Variants in POLG observed in about 807,000 individuals in gnomAD.
The protein encoded by POLG is DNA polymerase subunit gamma-1.
POLG carries 110 observed loss-of-function variants against 155.4 expected under a neutral mutation model. The ratio of observed to expected loss-of-function variants is 0.71; its 90% CI spans 0.61 to 0.83. The LOEUF (loss-of-function observed/expected upper bound fraction) is 0.83. POLG is among the 40% of genes least tolerant of loss of function. The pLI is 0.00. For synonymous variants in POLG, 701 were observed against 631.5 expected (o/e 1.11, Z -1.65); for missense variants, 1,685 against 1,627.5 (o/e 1.04, Z -0.61).
chr15:89,325,131 A>AGAGT (rs879593305), intron 10 of POLG, among the ~76,000 whole-genome samples: 7 of 44,680 alleles, frequency 1.6e-4, no homozygotes, highest in African/African-American at 8.9e-4. Flanking sequence ...AGTGAGTGAG[A>AGAGT]GAGTGAGTGA....
rs56411159 is a variant in POLG, at chr15:89,323,804, G to A, written c.2157+11C>T. ...ACCCACCTAGAGAACCCAAGCCGGC[G>A]CACTGCTCACCAGAGCTAGGGGTTG... On this transcript the variant is annotated intron_variant, in intron 12 of 22. Transcript: ENST00000268124. 379 of 1,609,376 alleles carry A rather than the reference G, an allele frequency of 2.4e-4. 2 individuals carry two copies. In the East Asian group the frequency reaches 7.4e-3, roughly 31 times the overall value.
chr15:89,333,775 C>A lies in POLG; in HGVS notation c.-21G>T, dbSNP rs750010376. The A allele has an allele frequency of 2.0e-5, 31 of 1,534,834 alleles. No individual in the cohort carries two copies. The highest frequency in any genetic ancestry group is 1.8e-4 in the South Asian group (15 of 84,074). On this transcript the variant is annotated 5_prime_UTR_variant, in exon 2 of 23. Transcript: ENST00000268124. ...CTCATGGTTGGTGCAGGGACCCCCA[C>A]GCTGGGAGTCAGAACACCTGGCTTT...
chr15:89,328,315 T>C, intron 6 of POLG, 141 bp downstream of exon 6: 1 of 723,016 alleles, frequency 1.4e-6, no homozygotes. Context: ...TGGACACCAC[T>C]GAACAGAAGG....
intron 21 of POLG, 114 bp from the exon 22 acceptor site, chr15:89,317,650 C>CCAT (rs2055318331): frequency 3.9e-6 from 4 of 1,013,740 alleles, no homozygotes; most frequent in South Asian, 2.6e-5. Flanking sequence ...GACCAACACC[C>CCAT]CATCTGTTCA....
intron 2 of POLG, among the ~76,000 whole-genome samples, chr15:89,332,591 G>C (rs539155464): frequency 7.2e-6 from 1 of 138,556 alleles, no homozygotes; most frequent in Admixed American, 7.6e-5. Flanking sequence ...GTCTGGAAAC[G>C]TTGCCGGCGG....
At chr15:89,325,081 TGAGA>T (rs376001140) in intron 10 of POLG, among the ~76,000 whole-genome samples, 903 of 43,126 alleles carry the variant, frequency 0.021, 177 homozygotes, top group African/African-American at 0.058. Flanking sequence ...AGTGAGTGAG[TGAGA>T]GAGTGAGTGA....
intron 10 of POLG, 151 bp downstream of exon 10, chr15:89,325,299 G>GGGGTGTGTGT (rs140688938): frequency 9.5e-6 from 5 of 527,318 alleles, no homozygotes; most frequent in African/African-American, 9.1e-5. Flanking sequence ...AGAGAGAGAG[G>GGGGTGTGTGT]GTGTGTGTGT....
rs369395629 is a variant in POLG at position 89,321,805 on chromosome 15, T to G, written c.2529A>C (p.Gln843His). The G allele has an allele frequency of 6.2e-7, 1 of 1,614,018 alleles. No individual in the cohort carries two copies. Among genetic ancestry groups the G allele is most frequent in the Non-Finnish European group, 8.5e-7 (1 of 1,180,020 alleles). Residue 843 changes from glutamine (Q) to histidine (H), a missense_variant, in exon 16 of 23, where the codon CAA (glutamine) becomes CAC (histidine). Physicochemically the swap from Gln to His is conservative, Grantham distance 24. Coordinates refer to ENST00000268124, the MANE Select transcript of POLG (RefSeq NM_002693.3). ...EEGLYGAILP[Q>H]VVTAGTITRR... is the part of the protein sequence containing the mutation. ...GAGTGATGGTGCCGGCAGTCACCAC[T>G]TGGGGCAGGATGGCCCCATAGAGGC...
chr15:89,333,043 T>G, intron 2 of POLG, 53 bp downstream of exon 2: 1 of 1,498,344 alleles, frequency 6.7e-7, no homozygotes, highest in Non-Finnish European at 8.9e-7. Context: ...TGAAACAAAC[T>G]ATTAAGCTGG....
rs1195686850 is a variant in POLG, at chr15:89,317,412, G to GGTTGGAAGGGGT, written c.3595_3606dup (p.Thr1199_Asn1202dup). ...CCGTATCTCCTTTCCATCCCAGTTGGGTTGGAAGGGGTTTTACAATCCATG... is the reference window on the plus strand; with the variant it reads ...CCGTATCTCCTTTCCATCCCAGTTGGGTTGGAAGGGGTGTTGGAAGGGGTTTTACAATCCATG... On this transcript the variant is annotated inframe_insertion, in exon 22 of 23. Coordinates refer to ENST00000268124, the MANE Select transcript of POLG (RefSeq NM_002693.3). 1 of 1,614,066 alleles carries GGTTGGAAGGGGT rather than the reference G, an allele frequency of 6.2e-7. No individual in the cohort carries two copies. Among genetic ancestry groups the GGTTGGAAGGGGT allele is most frequent in the East Asian group, 2.2e-5 (1 of 44,878 alleles).
chr15:89,318,594 C>T lies in POLG; in HGVS notation c.3429G>A (p.Glu1143=), dbSNP rs1433313822. The change falls in exon 21 of 23, where the codon GAG becomes GAA. Residue 1143 remains glutamate, a synonymous_variant. Coordinates refer to ENST00000268124, the MANE Select transcript of POLG (RefSeq NM_002693.3). ...CCAGGGCAGCGCGGTAGCGGTCCTC[C>T]TCCCGCACCAGGTAGCGAACCTCGT... ...IHDEVRYLVR[E]EDRYRAALAL... The T allele has an allele frequency of 6.2e-7, 1 of 1,614,064 alleles. No individual in the cohort carries two copies. The highest frequency in any genetic ancestry group is 1.7e-5 in the Admixed American group (1 of 60,016).
chr15:89,321,364 G>T, intron 16 of POLG, 104 bp from the exon 17 acceptor site: 1 of 1,309,822 alleles, frequency 7.6e-7, no homozygotes, highest in Non-Finnish European at 1.1e-6. Context: ...GATGGCTTTA[G>T]AGAATGCCAG....
chr15:89,316,711 TGAAGCTCCACG>T lies in POLG; in HGVS notation c.*29_*39del. ...AGTTTGGGAGCCTGCACCACCCCGA[TGAAGCTCCACG>T]GGAGCAAATACAGAGCCTCCAGGCA... On this transcript the variant is annotated 3_prime_UTR_variant, in exon 23 of 23. Coordinates refer to ENST00000268124, the MANE Select transcript of POLG (RefSeq NM_002693.3). 3 of 1,529,162 alleles carry T rather than the reference TGAAGCTCCACG, an allele frequency of 2.0e-6. No homozygotes were observed. The highest frequency in any genetic ancestry group is 2.7e-6 in the Non-Finnish European group (3 of 1,102,698). The allele number at this position is 1,529,162 out of a possible 1,614,324, so 94.7% of individuals were successfully genotyped here. A position where few individuals can be genotyped will look rare whatever the true frequency, so the allele number is the denominator to read the frequency against.
chr15:89,327,444 T>G, intron 6 of POLG, 95 bp from the exon 7 acceptor site: 1 of 1,129,122 alleles, frequency 8.9e-7, no homozygotes, highest in Non-Finnish European at 1.3e-6. Context: ...ACCCAGCCAC[T>G]GACATGGCAC....
rs1415709764 is a variant in POLG, at chr15:89,321,630, AG to A, written c.2598+105del. 2.0e-5 allele frequency: 17 copies of A among 865,330 alleles called. No individual in the cohort carries two copies. In the East Asian group the frequency reaches 4.1e-4, roughly 21 times the overall value. The allele number at this position is 865,330 out of a possible 1,614,324, so 53.6% of individuals were successfully genotyped here. A position where few individuals can be genotyped will look rare whatever the true frequency, so the allele number is the denominator to read the frequency against. On this transcript the variant is annotated intron_variant, in intron 16 of 22. Coordinates refer to ENST00000268124, the MANE Select transcript of POLG (RefSeq NM_002693.3). ...TAGAGTCCTGCCTGACCCAGATCAC[AG>A]GGTCCTTTTCATGATCCTCACTAAA...
intron 16 of POLG, 63 bp downstream of exon 16, chr15:89,321,673 G>C (rs2055398045): frequency 8.2e-7 from 1 of 1,219,278 alleles, no homozygotes; most frequent in East Asian, 2.3e-5. Context: ...AAGGCCCTCA[G>C]AGCCCAGTTT....
At chr15:89,325,069 T>TGAGAGAGTGAGTGAGTGAGA (rs1375830782) in intron 10 of POLG, among the ~76,000 whole-genome samples, 1 of 86,732 alleles carries the variant, frequency 1.2e-5, no homozygotes, top group African/African-American at 6.7e-5. Flanking sequence ...AGTGAGTGAG[T>TGAGAGAGTGAGTGAGTGAGA]GAGTGAGTGA....
rs2055457943 is a variant in POLG at position 89,325,057 on chromosome 15, A to AGAGTGAGTGAGTGAGTGAGAGAGT, written c.1949+392_1949+393insACTCTCTCACTCACTCACTCACTC. On this transcript the variant is annotated intron_variant, in intron 10 of 22. Coordinates refer to ENST00000268124, the MANE Select transcript of POLG (RefSeq NM_002693.3). ...CCCAGAGAGTGAGTGAGTGAGTGAG[A>AGAGTGAGTGAGTGAGTGAGAGAGT]GAGTGAGTGAGTGAGTGAGTGAGTG... Among the ~76,000 whole-genome samples the AGAGTGAGTGAGTGAGTGAGAGAGT allele has an allele frequency of 5.7e-5, 5 of 87,640 alleles. 1 individual carries two copies. Among genetic ancestry groups the AGAGTGAGTGAGTGAGTGAGAGAGT allele is most frequent in the African/African-American group, 3.2e-4 (4 of 12,638 alleles). 57.5% of individuals were successfully genotyped at this position (87,640 alleles called of 152,430 possible). A position where few individuals can be genotyped will look rare whatever the true frequency, so the allele number is the denominator to read the frequency against.
Position 89,318,881 on chromosome 15 carries a change from C to T in POLG, c.3273+50G>A, listed in dbSNP as rs751936166. 5.4e-5 allele frequency: 87 copies of T among 1,596,742 alleles called. No individual in the cohort carries two copies. The East Asian group carries it at 1.9e-3, about 36-fold the overall frequency. On this transcript the variant is annotated intron_variant, in intron 20 of 22. Transcript: ENST00000268124. ...TGGTAAGGTCCACAGGGAGCTCTGC[C>T]CTGCCCTCCCTGGGGCCCCTCTGCC...
Sources: gnomAD v4.1 joint callset for allele counts (sites outside exome capture counted in the v4.1 genomes callset) on GRCh38, gnomAD v4.1.1 for gene constraint, MANE v1.5 for transcripts, NCBI Gene and HGNC (gene_info 2026-07-23, HGNC 2026-07-21) for gene names.